Variants in MBTD1 observed in about 807,000 individuals in gnomAD.
MBTD1 encodes the protein MBT domain-containing protein 1.
Under a neutral mutation model 87.8 loss-of-function variants are expected in MBTD1, and 24 were observed. The observed-to-expected ratio is 0.27, with a 90% CI of 0.20 to 0.38. The LOEUF is 0.38. MBTD1 is among the 10% of genes least tolerant of loss of function. The probability of loss-of-function intolerance (pLI) is 1.00; values close to 1 mark genes in which losing one functional copy is unlikely to be tolerated. For synonymous variants in MBTD1, 237 were observed against 248.6 expected (o/e 0.95, Z 0.44); for missense variants, 436 against 760.2 (o/e 0.57, Z 5.02).
intron 2 of MBTD1, among the ~76,000 whole-genome samples, chr17:51,244,231 CTTT>C (rs942799307): frequency 9.2e-5 from 14 of 152,196 alleles, no homozygotes; most frequent in East Asian, 3.8e-4. Flanking sequence ...AACTCCAGCA[CTTT>C]TTTATCAGTC....
intron 2 of MBTD1, among the ~76,000 whole-genome samples, chr17:51,258,916 T>C (rs778332908): frequency 6.6e-6 from 1 of 152,178 alleles, no homozygotes; most frequent in Non-Finnish European, 1.5e-5. Flanking sequence ...CCTGCTGTTC[T>C]TTCTTGGCAC....
At chr17:51,180,893 T>C (rs2050275456) in intron 16 of MBTD1, among the ~76,000 whole-genome samples, 199 bp from the exon 17 acceptor site, 1 of 152,188 alleles carries the variant, frequency 6.6e-6, no homozygotes. Context: ...TTCAATGAAA[T>C]GTTCGCAGTA....
chr17:51,233,011 T>C (rs961152571), intron 2 of MBTD1, among the ~76,000 whole-genome samples: 1 of 135,030 alleles, frequency 7.4e-6, no homozygotes, highest in Admixed American at 8.6e-5. Context: ...GCAATCACAA[T>C]TGCTCCACTG....
intron 6 of MBTD1, among the ~76,000 whole-genome samples, chr17:51,216,562 ACTAATAGTTC>A (rs1380255216): frequency 6.6e-6 from 1 of 152,212 alleles, no homozygotes; most frequent in African/African-American, 2.4e-5. Context: ...ATACTATGTT[ACTAATAGTTC>A]CTTGTTTTTG....
At chr17:51,191,047 T>C (rs2050783099) in intron 16 of MBTD1, among the ~76,000 whole-genome samples, 3 of 151,864 alleles carry the variant, frequency 2.0e-5, no homozygotes, top group African/African-American at 7.3e-5. Context: ...ATTGTGCCAC[T>C]GCACTCCATT....
chr17:51,229,937 C>G (rs965373780), intron 2 of MBTD1, among the ~76,000 whole-genome samples: 2 of 152,140 alleles, frequency 1.3e-5, no homozygotes, highest in Non-Finnish European at 2.9e-5. Context: ...GGATTACAGG[C>G]GTGAGCCACT....
chr17:51,246,832 G>A (rs1376702735), intron 2 of MBTD1, among the ~76,000 whole-genome samples: 1 of 151,942 alleles, frequency 6.6e-6, no homozygotes, highest in Non-Finnish European at 1.5e-5. Context: ...TAGAGACGGG[G>A]TTTCACCATG....
chr17:51,197,773 C>T (rs1299456724), intron 12 of MBTD1, among the ~76,000 whole-genome samples: 2 of 152,140 alleles, frequency 1.3e-5, no homozygotes, highest in African/African-American at 4.8e-5. Context: ...TCTCAAAGTG[C>T]TAGGATTACT....
At chr17:51,209,011 T>C (rs1035569598) in intron 6 of MBTD1, among the ~76,000 whole-genome samples, 1 of 152,092 alleles carries the variant, frequency 6.6e-6, no homozygotes, top group African/African-American at 2.4e-5. Flanking sequence ...CTTAAACCAA[T>C]CCATATGGTT....
chr17:51,254,397 C>T (rs905797981), intron 2 of MBTD1, among the ~76,000 whole-genome samples: 1 of 152,082 alleles, frequency 6.6e-6, no homozygotes, highest in African/African-American at 2.4e-5. Flanking sequence ...CCCACAAATT[C>T]AATGTGCAAG....
chr17:51,225,271 C>G, intron 2 of MBTD1, 62 bp from the exon 3 acceptor site: 1 of 795,648 alleles, frequency 1.3e-6, no homozygotes, highest in Non-Finnish European at 1.8e-6. Context: ...CCTAAAAGAC[C>G]CTAGCACAAA....
intron 15 of MBTD1, 84 bp from the exon 16 acceptor site, chr17:51,192,364 C>T (rs2145078965): frequency 1.1e-6 from 1 of 935,168 alleles, no homozygotes; most frequent in African/African-American, 1.7e-5. Flanking sequence ...CTTATATGAA[C>T]TATCTTTACC....
chr17:51,187,296 G>T (rs2145017564), intron 16 of MBTD1, among the ~76,000 whole-genome samples: 1 of 151,804 alleles, frequency 6.6e-6, no homozygotes, highest in East Asian at 1.9e-4. Flanking sequence ...GGGCAATGCT[G>T]GAGTCTGATG....
Position 51,180,580 on chromosome 17 carries a change from G to A in MBTD1, c.1883C>T (p.Pro628Leu). The stretch of plus-strand genomic sequence containing the variant: ...GCCCTCAGTTTCTAAGCCACCTCAT[G>A]GCTCTTGTTTGATGTAGAAGTTGGC... ...GSANFYIKQE[P>L] The change falls in exon 17 of 17, where the codon CCA becomes CTA. Residue 628 changes from proline (P) to leucine (L), a missense_variant. Transcript: ENST00000586178. The A allele has an allele frequency of 6.5e-7, 1 of 1,536,040 alleles. No homozygotes were observed. Among genetic ancestry groups the A allele is most frequent in the Non-Finnish European group, 8.8e-7 (1 of 1,133,710 alleles).
At chr17:51,221,626 G>A (rs935068928) in intron 3 of MBTD1, among the ~76,000 whole-genome samples, 6 of 149,106 alleles carry the variant, frequency 4.0e-5, no homozygotes, top group Non-Finnish European at 7.5e-5. Context: ...AAAGCAGACT[G>A]AAAATATTTT....
chr17:51,188,532 T>G (rs2050650039), intron 16 of MBTD1, among the ~76,000 whole-genome samples: 1 of 151,886 alleles, frequency 6.6e-6, no homozygotes, highest in African/African-American at 2.4e-5. Flanking sequence ...AAACAAAAGG[T>G]TTTATAGCCC....
intron 5 of MBTD1, among the ~76,000 whole-genome samples, chr17:51,218,040 C>T (rs1024736335): frequency 6.6e-6 from 1 of 152,108 alleles, no homozygotes; most frequent in African/African-American, 2.4e-5. Flanking sequence ...CTTTTATTTC[C>T]ATTCAGTTCT....
upstream of MBTD1, chr17:51,260,432 T>C (rs1347760497): frequency 3.7e-6 from 3 of 807,488 alleles, no homozygotes; most frequent in African/African-American, 1.8e-5. Flanking sequence ...GGAGCGGGAG[T>C]TACGTAGAGG....
At chr17:51,220,682 T>C (rs2052835156) in intron 3 of MBTD1, among the ~76,000 whole-genome samples, 1 of 152,146 alleles carries the variant, frequency 6.6e-6, no homozygotes, top group Non-Finnish European at 1.5e-5. Context: ...TAAGGTCTGA[T>C]AGTGGCTTGA....
Sources: allele counts gnomAD v4.1 joint callset (sites outside exome capture counted in the v4.1 genomes callset), GRCh38; gene constraint gnomAD v4.1.1; transcripts MANE v1.5; gene names NCBI Gene and HGNC (gene_info 2026-07-23, HGNC 2026-07-21).